RFX4: variants seen among roughly 807,000 people sequenced by gnomAD.
RFX4 encodes the protein regulatory factor X4.
RFX4 carries 10 observed loss-of-function variants against 95.0 expected under a neutral mutation model. The ratio of observed to expected loss-of-function variants is 0.11; its 90% CI spans 0.06 to 0.18. RFX4 has a LOEUF of 0.18. Ranked by LOEUF, RFX4 falls within the 10% of genes least tolerant of loss-of-function variation. The pLI, the probability that RFX4 is intolerant of heterozygous loss-of-function variation, is 1.00. For synonymous variants in RFX4, 321 were observed against 340.7 expected (o/e 0.94, Z 0.64); for missense variants, 640 against 922.0 (o/e 0.69, Z 3.96).
intron 4 of RFX4, among the ~76,000 whole-genome samples, chr12:106,668,863 G>A (rs1182270251): frequency 6.6e-6 from 1 of 152,182 alleles, no homozygotes; most frequent in African/African-American, 2.4e-5. Context: ...TTCATGGTCA[G>A]CAATTTGCTG....
intron 4 of RFX4, among the ~76,000 whole-genome samples, chr12:106,657,094 A>G (rs541029020): frequency 6.6e-6 from 1 of 152,230 alleles, no homozygotes; most frequent in South Asian, 2.1e-4. Flanking sequence ...TCCCAGACAC[A>G]TTTGCCTTTC....
At chr12:106,668,498 A>G (rs2041220222) in intron 4 of RFX4, among the ~76,000 whole-genome samples, 2 of 152,206 alleles carry the variant, frequency 1.3e-5, no homozygotes, top group Admixed American at 1.3e-4. Context: ...CACGAGGCTG[A>G]GGTGAGAGGA....
At chr12:106,678,216 G>A (rs2041435183) in intron 4 of RFX4, among the ~76,000 whole-genome samples, 1 of 152,126 alleles carries the variant, frequency 6.6e-6, no homozygotes, top group Admixed American at 6.6e-5. Flanking sequence ...TCATTTCCCA[G>A]GGGCCTTCTG....
intron 3 of RFX4, among the ~76,000 whole-genome samples, chr12:106,642,044 C>T (rs2040641871): frequency 6.9e-6 from 1 of 145,354 alleles, no homozygotes; most frequent in African/African-American, 2.6e-5. Context: ...GAGTTTTGCT[C>T]TTGTTGCCCA....
Position 106,586,199 on chromosome 12 carries a change from T to A in RFX4, c.43+2836T>A, listed in dbSNP as rs1215043021. Among the ~76,000 whole-genome samples the A allele has an allele frequency of 2.0e-5, 3 of 151,964 alleles. No individual in the cohort carries two copies. Among genetic ancestry groups the A allele is most frequent in the Non-Finnish European group, 2.9e-5 (2 of 67,964 alleles). On this transcript the variant is annotated intron_variant, in intron 1 of 17. Coordinates refer to ENST00000392842, the MANE Select transcript of RFX4 (RefSeq NM_213594.3). The surrounding 1 kb of genome is among the most constrained non-coding windows in gnomAD (Gnocchi z 5.6). ...AGGCGACAGGCGCGCGCAGGGGCAG[T>A]CGACGCACCTTCTGGCCGGTGCGCG... is the stretch of plus-strand genomic sequence containing the variant.
At chr12:106,664,813 G>A (rs2041143094) in intron 4 of RFX4, among the ~76,000 whole-genome samples, 1 of 151,664 alleles carries the variant, frequency 6.6e-6, no homozygotes, top group African/African-American at 2.4e-5. Context: ...ATGTAGAATT[G>A]TTGTTTTATT....
At chr12:106,617,435 CATT>C (rs1475792496) in intron 2 of RFX4, among the ~76,000 whole-genome samples, 1 of 152,162 alleles carries the variant, frequency 6.6e-6, no homozygotes, top group Non-Finnish European at 1.5e-5. Context: ...ATCACACTTT[CATT>C]ATTGTTCAGT....
intron 1 of RFX4, among the ~76,000 whole-genome samples, chr12:106,607,798 TCTAGAAAACAGAATAAGTATTACA>T (rs1310647518): frequency 2.0e-5 from 3 of 151,996 alleles, no homozygotes; most frequent in Non-Finnish European, 2.9e-5. Flanking sequence ...TGGTGGGTGG[TCTAGAAAACAGAATAAGTATTACA>T]CTACATTGCA....
At chr12:106,655,838 C>T (rs1057074719) in intron 4 of RFX4, among the ~76,000 whole-genome samples, 6 of 152,200 alleles carry the variant, frequency 3.9e-5, no homozygotes, top group African/African-American at 1.4e-4. Flanking sequence ...TCCAATAACT[C>T]AGACATTTAT....
At chr12:106,704,057 CA>C (rs1238565848) in intron 8 of RFX4, among the ~76,000 whole-genome samples, 1 of 103,812 alleles carries the variant, frequency 9.6e-6, no homozygotes, top group Non-Finnish European at 1.7e-5. Flanking sequence ...CATAGCAAGA[CA>C]CTGTCTCAAA....
intron 1 of RFX4, among the ~76,000 whole-genome samples, chr12:106,600,637 T>TGA (rs2039688603): frequency 2.0e-5 from 3 of 152,148 alleles, no homozygotes; most frequent in Non-Finnish European, 2.9e-5. Context: ...TCCAATAGCT[T>TGA]CTTAGCGCAC....
chr12:106,709,458 AAGAG>A, intron 9 of RFX4, 28 bp downstream of exon 9: 2 of 1,547,034 alleles, frequency 1.3e-6, no homozygotes, highest in Non-Finnish European at 1.8e-6. Context: ...AGCGGGATGG[AAGAG>A]AGAATTACAT....
In RFX4 at chr12:106,614,266, T is replaced by C. The variant is rs542725146; in HGVS notation, c.130+5383T>C. 4.1e-4 allele frequency among the ~76,000 whole-genome samples: 63 copies of C among 152,142 alleles called. 3 individuals are homozygous for C. The East Asian group carries it at 0.011, about 27-fold the overall frequency. On this transcript the variant is annotated intron_variant, in intron 2 of 17. Coordinates refer to ENST00000392842, the MANE Select transcript of RFX4 (RefSeq NM_213594.3). ...ACCTCTGCCTCCCAGGTTCAAGTGA[T>C]TCTTCTGCCTCAGCCTCCCAAGTAG...
At position 106,761,987 on chromosome 12, in the gene RFX4, TG is replaced by T. The variant is rs1265932919; in HGVS notation, c.*520del. 1 of 152,718 alleles carries T rather than the reference TG, an allele frequency of 6.5e-6. No individual in the cohort carries two copies. Among genetic ancestry groups the T allele is most frequent in the East Asian group, 1.9e-4 (1 of 5,206 alleles). The allele number at this position is 152,718 out of a possible 1,614,324, so 9.5% of individuals were successfully genotyped here. The stretch of plus-strand genomic sequence containing the variant: ...TGTTCTGCACATCCCTTCTTCCTGG[TG>T]GTACCATCCCTATTTCCTGGAGCAC... On this transcript the variant is annotated 3_prime_UTR_variant, in exon 18 of 18. Transcript: ENST00000392842.
At chr12:106,734,141 T>A (rs553584292) in intron 15 of RFX4, among the ~76,000 whole-genome samples, 2 of 152,060 alleles carry the variant, frequency 1.3e-5, no homozygotes, top group Non-Finnish European at 2.9e-5. Flanking sequence ...ACACAGTGAA[T>A]GGAATGGTGA....
rs1451549508 is a variant in RFX4 at position 106,762,596 on chromosome 12, A to G, written c.*1127A>G. ...TTCTTTCTGTATTATAAAATGCACC[A>G]AGCAATTATGGTGGACCTATTACCC... On this transcript the variant is annotated 3_prime_UTR_variant, in exon 18 of 18. Transcript: ENST00000392842. The G allele has an allele frequency of 6.6e-6, 1 of 152,534 alleles. No homozygotes were observed. The highest frequency in any genetic ancestry group is 6.6e-5 in the Admixed American group (1 of 15,262). The allele number at this position is 152,534 out of a possible 1,614,324, so 9.4% of individuals were successfully genotyped here.
chr12:106,628,792 C>G (rs894882644), intron 2 of RFX4, among the ~76,000 whole-genome samples: 4 of 145,782 alleles, frequency 2.7e-5, no homozygotes, highest in Non-Finnish European at 6.0e-5. Context: ...GACAGAGTCT[C>G]GCTCTGTCAC....
At chr12:106,719,512 A>G (rs953139946) in intron 11 of RFX4, among the ~76,000 whole-genome samples, 1 of 152,220 alleles carries the variant, frequency 6.6e-6, no homozygotes, top group African/African-American at 2.4e-5. Context: ...ACTATGCCAC[A>G]GTGCCATTAG....
At chr12:106,643,546 C>T (rs1373746259) in intron 3 of RFX4, among the ~76,000 whole-genome samples, 2 of 152,172 alleles carry the variant, frequency 1.3e-5, no homozygotes. Context: ...AGTATAAAAA[C>T]TTTCTCTCTC....
Sources: allele counts gnomAD v4.1 joint callset (sites outside exome capture counted in the v4.1 genomes callset), GRCh38; gene constraint gnomAD v4.1.1; non-coding constraint Gnocchi (gnomAD v3.1); transcripts MANE v1.5; gene names NCBI Gene and HGNC (gene_info 2026-07-23, HGNC 2026-07-21).